Variants in AMPH observed in about 807,000 individuals in gnomAD.
AMPH encodes the protein amphiphysin, also known as amphiphysin (Stiff-Mann syndrome with breast cancer 128kD autoantigen).
A neutral mutation model predicts 99.1 loss-of-function variants in AMPH; 49 were observed. That is an observed-to-expected ratio of 0.49 (90% CI 0.39 to 0.63). The LOEUF is 0.63. AMPH is among the 20% of genes least tolerant of loss of function. The pLI, the probability that AMPH is intolerant of heterozygous loss-of-function variation, is 0.00. For missense variants in AMPH, 759 were observed against 863.4 expected (o/e 0.88, Z 1.52); for synonymous variants, 314 against 317.3 (o/e 0.99, Z 0.11).
intron 11 of AMPH, among the ~76,000 whole-genome samples, chr7:38,447,494 A>T (rs141250857): frequency 6.6e-6 from 1 of 152,150 alleles, no homozygotes; most frequent in Admixed American, 6.5e-5. Flanking sequence ...TTATAAGCAT[A>T]TCAGGTAAAA....
At chr7:38,409,374 T>C (rs1785149031) in intron 17 of AMPH, among the ~76,000 whole-genome samples, 1 of 152,150 alleles carries the variant, frequency 6.6e-6, no homozygotes, top group African/African-American at 2.4e-5. Flanking sequence ...AGATCCTCAT[T>C]ATGGCCCCAA....
intron 11 of AMPH, among the ~76,000 whole-genome samples, chr7:38,437,171 CATA>C (rs1786301600): frequency 6.6e-6 from 1 of 152,088 alleles, no homozygotes; most frequent in Non-Finnish European, 1.5e-5. Context: ...TTTGTGGTAT[CATA>C]ATACATGAAA....
chr7:38,393,355 T>C (rs1387219328), intron 18 of AMPH, among the ~76,000 whole-genome samples: 4 of 152,214 alleles, frequency 2.6e-5, no homozygotes, highest in African/African-American at 9.7e-5. Flanking sequence ...TGTTGCCTTC[T>C]AGAATACCGA....
intron 1 of AMPH, among the ~76,000 whole-genome samples, chr7:38,619,181 C>A (rs946419588): frequency 1.3e-5 from 2 of 151,962 alleles, no homozygotes; most frequent in African/African-American, 4.8e-5. Context: ...CAGAGCAAGA[C>A]CCTGTCTCTT....
chr7:38,604,340 A>AAAGGAC (rs542975107), intron 1 of AMPH, among the ~76,000 whole-genome samples: 151 of 152,360 alleles, frequency 9.9e-4, no homozygotes, highest in Non-Finnish European at 1.4e-3. Flanking sequence ...CAACAAGAGC[A>AAAGGAC]AAGGACAAGG....
At chr7:38,396,624 A>G (rs918699099) in intron 17 of AMPH, among the ~76,000 whole-genome samples, 3 of 152,244 alleles carry the variant, frequency 2.0e-5, no homozygotes, top group Non-Finnish European at 2.9e-5. Flanking sequence ...TAACAAGTAC[A>G]TGAGGGTTTA....
At chr7:38,413,569 GA>G (rs1256536665) in intron 17 of AMPH, among the ~76,000 whole-genome samples, 2 of 152,114 alleles carry the variant, frequency 1.3e-5, no homozygotes, top group African/African-American at 2.4e-5. Flanking sequence ...TATTTAGTTT[GA>G]GGGGCATTGA....
Position 38,391,882 on chromosome 7 carries a change from G to A in AMPH, c.1744C>T (p.Pro582Ser), listed in dbSNP as rs751656285. ...AAPPGPTSET[P>S]ELATEQKPIQ... Reference sequence around the variant, plus strand: ...GGCTTCTGCTCCGTAGCCAGCTCCGGTGTCTCGCTGGTGGGGCCCGGAGGA... The same window carrying A: ...GGCTTCTGCTCCGTAGCCAGCTCCGATGTCTCGCTGGTGGGGCCCGGAGGA... Residue 582 changes from proline (P) to serine (S), a missense_variant, in exon 19 of 21, where the codon CCG (proline) becomes TCG (serine). By Grantham distance (74) the Pro-to-Ser change is moderately conservative. Coordinates refer to ENST00000356264, the MANE Select transcript of AMPH (RefSeq NM_001635.4). The A allele has an allele frequency of 1.9e-6, 3 of 1,612,848 alleles. No individual in the cohort carries two copies. Among genetic ancestry groups the A allele is most frequent in the South Asian group, 1.1e-5 (1 of 91,008 alleles).
rs1175943925 is a variant in AMPH at position 38,469,017 on chromosome 7, A to G, written c.591-2769T>C. On this transcript the variant is annotated intron_variant, in intron 7 of 20. Coordinates refer to ENST00000356264, the MANE Select transcript of AMPH (RefSeq NM_001635.4). The stretch of plus-strand genomic sequence containing the variant: ...AAAATACAAAAAATTAGCCGGGCGT[A>G]GTGGCGGGCGCCTGTAGTCCCAGCT... 7.7e-5 allele frequency among the ~76,000 whole-genome samples: 9 copies of G among 116,266 alleles called. 1 individual carries two copies. The East Asian group carries it at 9.9e-4, about 13-fold the overall frequency. The allele number at this position is 116,266 out of a possible 152,430, so 76.3% of individuals were successfully genotyped here. A position where few individuals can be genotyped will look rare whatever the true frequency, so the allele number is the denominator to read the frequency against.
intron 2 of AMPH, among the ~76,000 whole-genome samples, chr7:38,524,170 A>G (rs1790076756): frequency 6.6e-6 from 1 of 152,166 alleles, no homozygotes; most frequent in Non-Finnish European, 1.5e-5. Flanking sequence ...GAAGCTAATT[A>G]TGAGAAAAGT....
intron 2 of AMPH, among the ~76,000 whole-genome samples, chr7:38,504,416 G>C (rs1789252917): frequency 6.6e-6 from 1 of 152,148 alleles, no homozygotes; most frequent in Admixed American, 6.6e-5. Flanking sequence ...TCTGAAACTA[G>C]GATGAGACTG....
At chr7:38,476,237 A>G (rs1788081675) in intron 6 of AMPH, among the ~76,000 whole-genome samples, 1 of 152,196 alleles carries the variant, frequency 6.6e-6, no homozygotes, top group South Asian at 2.1e-4. Flanking sequence ...TGCTGTACTA[A>G]GAAATAAAGT....
chr7:38,439,334 A>C (rs1786414309), intron 11 of AMPH, among the ~76,000 whole-genome samples: 1 of 152,252 alleles, frequency 6.6e-6, no homozygotes, highest in South Asian at 2.1e-4. Flanking sequence ...TGCCAATTGG[A>C]CTGCCTTCAA....
intron 1 of AMPH, among the ~76,000 whole-genome samples, chr7:38,616,153 C>G (rs1793864314): frequency 6.6e-6 from 1 of 152,176 alleles, no homozygotes; most frequent in Non-Finnish European, 1.5e-5. Flanking sequence ...TCTGCACAAG[C>G]AAGTCGTAGT....
intron 5 of AMPH, among the ~76,000 whole-genome samples, chr7:38,477,701 C>T (rs201572286): frequency 6.6e-6 from 1 of 151,988 alleles, no homozygotes; most frequent in African/African-American, 2.4e-5. Context: ...ACAACAACAA[C>T]AACAACAACC....
At chr7:38,416,368 T>C (rs1015877548) in intron 17 of AMPH, among the ~76,000 whole-genome samples, 1 of 152,022 alleles carries the variant, frequency 6.6e-6, no homozygotes, top group Non-Finnish European at 1.5e-5. Flanking sequence ...CAACATCCAA[T>C]GCTGCCCCTG....
chr7:38,394,025 G>A lies in AMPH; in HGVS notation c.1588C>T (p.Leu530Phe), dbSNP rs1301073031. ...AESAQPEAEE[L>F]EATVPQEKVI... is the part of the protein sequence containing the mutation. ...CTCACCTGAGGCACTGTTGCTTCGAGCTCCTCTGCTTCAGGTTGGGCACTC... is the reference window on the plus strand; with the variant it reads ...CTCACCTGAGGCACTGTTGCTTCGAACTCCTCTGCTTCAGGTTGGGCACTC... The change falls in exon 18 of 21, where the codon CTC becomes TTC. Residue 530 changes from leucine to phenylalanine, a missense_variant. By Grantham distance (22) the Leu-to-Phe change is conservative (BLOSUM62 0). This residue lies in a region of AMPH where 554 missense variants were observed against 575.6 expected (regional missense o/e 0.96). Transcript: ENST00000356264. 1.9e-6 allele frequency: 3 copies of A among 1,614,056 alleles called. No individual in the cohort carries two copies. In the African/African-American group the frequency reaches 4.0e-5, roughly 22 times the overall value.
chr7:38,568,439 T>TG (rs1446997818), intron 1 of AMPH, among the ~76,000 whole-genome samples: 3 of 152,168 alleles, frequency 2.0e-5, no homozygotes, highest in Non-Finnish European at 4.4e-5. Context: ...CACTCCAGCC[T>TG]GGGCGGCAAA....
At chr7:38,426,930 C>T (rs1785801417) in intron 15 of AMPH, 24 bp downstream of exon 15, 1 of 1,609,712 alleles carries the variant, frequency 6.2e-7, no homozygotes, top group African/African-American at 1.3e-5. Flanking sequence ...GCAGATGGAT[C>T]TTGTAAGAAA....
Sources: gnomAD v4.1 joint callset for allele counts (sites outside exome capture counted in the v4.1 genomes callset) on GRCh38, gnomAD v4.1.1 for gene constraint, gnomAD v4.1.1 regional missense constraint, MANE v1.5 for transcripts, NCBI Gene and HGNC (gene_info 2026-07-23, HGNC 2026-07-21) for gene names.